Variants in TGM2 observed in about 807,000 individuals in gnomAD.
TGM2 encodes protein-glutamine gamma-glutamyltransferase 2.
TGM2 carries 53 observed loss-of-function variants against 75.6 expected under a neutral mutation model. The ratio of observed to expected loss-of-function variants is 0.70; its 90% confidence interval spans 0.56 to 0.88. The LOEUF is 0.88. TGM2 is among the 40% of genes least tolerant of loss of function. The pLI, the probability that TGM2 is intolerant of heterozygous loss-of-function variation, is 0.00. For missense variants in TGM2, 842 were observed against 928.5 expected, an observed-to-expected ratio of 0.91 and a Z score of 1.21; for synonymous variants, 374 against 381.1, an observed-to-expected ratio of 0.98 and a Z score of 0.22.
At chr20:38,155,719 T>C in intron 3 of TGM2, 128 bp downstream of exon 3, 1 of 1,382,298 alleles carries the variant, frequency 7.2e-7, no homozygotes, top group Non-Finnish European at 9.6e-7. Flanking sequence ...TGGAGCACAG[T>C]GGGCCTCACT....
In TGM2 at chr20:38,130,290, C is replaced by T. The variant is rs202239139; in HGVS notation, c.1993G>A (p.Val665Met). Reference sequence around the variant, plus strand: ...AGCTTGTCGCTCTCGAAGTTCACCACCAGCTTGTGGAGGCCCATGTGGAGC... The same window carrying T: ...AGCTTGTCGCTCTCGAAGTTCACCATCAGCTTGTGGAGGCCCATGTGGAGC... Reference protein sequence around the residue: ...LPLHMGLHKLVVNFESDKLKA... With the variant: ...LPLHMGLHKLMVNFESDKLKA... Residue 665 changes from valine to methionine, a missense_variant, in exon 13 of 13, where the codon GTG becomes ATG. By Grantham distance (21) the Val-to-Met change is conservative. Coordinates refer to ENST00000361475, the MANE Select transcript of TGM2 (RefSeq NM_004613.4). 6.2e-7 allele frequency: 1 copy of T among 1,612,882 alleles called. No individual in the cohort carries two copies. The highest frequency in any genetic ancestry group is 8.5e-7 in the Non-Finnish European group (1 of 1,179,712).
intron 10 of TGM2, among the ~76,000 whole-genome samples, chr20:38,136,415 C>G (rs779973819): frequency 1.3e-5 from 2 of 152,206 alleles, no homozygotes; most frequent in Non-Finnish European, 2.9e-5. Flanking sequence ...AAACACAAAC[C>G]ATGCCCCACC....
intron 11 of TGM2, among the ~76,000 whole-genome samples, chr20:38,131,467 C>G (rs757224835): frequency 6.6e-6 from 1 of 151,284 alleles, no homozygotes; most frequent in Non-Finnish European, 1.5e-5. Flanking sequence ...CAGGGGATGT[C>G]CAAAGTGCCT....
Position 38,139,583 on chromosome 20 carries a change from G to A in TGM2, c.1171C>T (p.Pro391Ser). ...GCATTGACCTCCGCAAAGACAAAGG[G>A]CGCATCGTACTTGGTGCTCAGGTCG... The part of the protein sequence containing the change: ...EGDLSTKYDA[P>S]FVFAEVNADV... Residue 391 changes from proline (P) to serine (S), a missense_variant, in exon 9 of 13, where the codon CCC (proline) becomes TCC (serine). Transcript: ENST00000361475. The A allele has an allele frequency of 6.2e-7, 1 of 1,614,186 alleles. No individual in the cohort carries two copies. Among genetic ancestry groups the A allele is most frequent in the Non-Finnish European group, 8.5e-7 (1 of 1,180,042 alleles).
chr20:38,165,704 A>G (rs1225888810), upstream of TGM2, among the ~76,000 whole-genome samples: 3 of 150,412 alleles, frequency 2.0e-5, no homozygotes, highest in Non-Finnish European at 3.0e-5. Flanking sequence ...ACACACACGC[A>G]CACACTCACA....
At chr20:38,152,343 G>C (rs2075124467) in intron 3 of TGM2, among the ~76,000 whole-genome samples, 1 of 152,180 alleles carries the variant, frequency 6.6e-6, no homozygotes, top group Admixed American at 6.5e-5. Flanking sequence ...GAGGAAAAAT[G>C]GGAAAGAGGC....
Position 38,141,157 on chromosome 20 carries a change from C to T in TGM2, c.1099+125G>A. 4 of 696,540 alleles carry T rather than the reference C, an allele frequency of 5.7e-6. No individual in the cohort carries two copies. In the South Asian group the frequency reaches 6.5e-5, roughly 11 times the overall value. 43.1% of individuals were successfully genotyped at this position (696,540 alleles called of 1,614,324 possible). ...TAAGATGTAAGTGAGGTCCCCCACCCTTCTGTGGACCCATCAGTGGTCTCC... is the reference window on the plus strand; with the variant it reads ...TAAGATGTAAGTGAGGTCCCCCACCTTTCTGTGGACCCATCAGTGGTCTCC... On this transcript the variant is annotated intron_variant, in intron 8 of 12. Transcript: ENST00000361475.
intron 12 of TGM2, 55 bp downstream of exon 12, chr20:38,131,038 C>A (rs2122842563): frequency 1.2e-6 from 2 of 1,605,772 alleles, no homozygotes; most frequent in Non-Finnish European, 1.7e-6. Flanking sequence ...TCTCTACCCC[C>A]ACCGGCATCT....
intron 10 of TGM2, among the ~76,000 whole-genome samples, chr20:38,134,949 C>T (rs759245062): frequency 2.6e-5 from 4 of 152,200 alleles, no homozygotes; most frequent in Non-Finnish European, 4.4e-5. Context: ...TTGGACCAGC[C>T]TCACTTTCCA....
In TGM2 at chr20:38,131,365, C is replaced by G. The variant is rs554266133; in HGVS notation, c.1777-136G>C. ...GCCACGATCACCCCCCCTCCCCCCACCTCTGTGCCTCAGTTTCTTCATCGG... is the reference window on the plus strand; with the variant it reads ...GCCACGATCACCCCCCCTCCCCCCAGCTCTGTGCCTCAGTTTCTTCATCGG... On this transcript the variant is annotated intron_variant, in intron 11 of 12. Coordinates refer to ENST00000361475, the MANE Select transcript of TGM2 (RefSeq NM_004613.4). 28 of 1,233,132 alleles carry G rather than the reference C, an allele frequency of 2.3e-5. No homozygotes were observed. The East Asian group carries it at 7.0e-4, about 31-fold the overall frequency. The allele number at this position is 1,233,132 out of a possible 1,614,324, so 76.4% of individuals were successfully genotyped here.
chr20:38,145,916 C>A (rs1323837290), intron 6 of TGM2: 2 of 152,146 alleles, frequency 1.3e-5, no homozygotes, highest in South Asian at 2.1e-4. Flanking sequence ...TCCAGACACA[C>A]AACCATGCCT....
chr20:38,152,336 G>C (rs1217358693), intron 3 of TGM2, among the ~76,000 whole-genome samples: 1 of 152,272 alleles, frequency 6.6e-6, no homozygotes, highest in African/African-American at 2.4e-5. Flanking sequence ...TCGTAGTGAG[G>C]AAAAATGGGA....
intron 9 of TGM2, 28 bp downstream of exon 9, chr20:38,139,384 C>T (rs2074940666): frequency 6.2e-7 from 1 of 1,613,926 alleles, no homozygotes; most frequent in African/African-American, 1.3e-5. Context: ...ATCTTCAAGG[C>T]TGCATTAAAG....
chr20:38,152,449 G>T (rs6023476), intron 3 of TGM2, among the ~76,000 whole-genome samples: 36,312 of 152,106 alleles, frequency 0.24, 6,042 homozygotes, highest in African/African-American at 0.45. Flanking sequence ...GCAGCCGGGG[G>T]GTGTGGGATA....
At chr20:38,165,070 C>T (rs2075296548) in intron 1 of TGM2, 119 bp downstream of exon 1, 1 of 1,492,780 alleles carries the variant, frequency 6.7e-7, no homozygotes, top group Non-Finnish European at 9.3e-7. Context: ...CGCCTCCTCA[C>T]CCAGCCCGGT....
chr20:38,148,142 C>T, intron 4 of TGM2, 53 bp from the exon 5 acceptor site: 2 of 1,612,072 alleles, frequency 1.2e-6, no homozygotes, highest in Admixed American at 1.7e-5. Context: ...GCACCTCCTC[C>T]AGGAAGCCTG....
intron 1 of TGM2, 148 bp from the exon 2 acceptor site, chr20:38,161,747 C>CCCG: frequency 1.1e-6 from 1 of 940,390 alleles, no homozygotes; most frequent in Non-Finnish European, 1.7e-6. Context: ...CTCCCCAGCC[C>CCCG]TGGTCACACG....
intron 1 of TGM2, 77 bp downstream of exon 1, chr20:38,165,112 G>T: frequency 6.2e-7 from 1 of 1,608,348 alleles, no homozygotes; most frequent in Non-Finnish European, 8.5e-7. Context: ...AGGACTTAGG[G>T]ATTCAGCTCC....
At position 38,132,480 on chromosome 20, in the gene TGM2, T is replaced by C. The variant is rs199832452; in HGVS notation, c.1636A>G (p.Ile546Val). 91 of 1,614,140 alleles carry C rather than the reference T, an allele frequency of 5.6e-5. No homozygotes were observed. The highest frequency in any genetic ancestry group is 3.3e-4 in the Middle Eastern group (2 of 6,062). Residue 546 changes from isoleucine (I) to valine (V), a missense_variant, in exon 11 of 13, where the codon ATC (isoleucine) becomes GTC (valine). Coordinates refer to ENST00000361475, the MANE Select transcript of TGM2 (RefSeq NM_004613.4). ...PFSEKSVPLC[I>V]LYEKYRDCLT... ...CAGTCACGGTATTTCTCATAGAGGA[T>C]GCAAAGAGGAACGCTCTTCTCTGCA...
Sources: gnomAD v4.1 joint callset for allele counts (sites outside exome capture counted in the v4.1 genomes callset) on GRCh38, gnomAD v4.1.1 for gene constraint, MANE v1.5 for transcripts, NCBI Gene and HGNC (gene_info 2026-07-23, HGNC 2026-07-21) for gene names.